BLM: variants seen among roughly 807,000 people sequenced by gnomAD.
The protein encoded by BLM is BLM RecQ like helicase.
BLM carries 95 observed loss-of-function variants against 135.3 expected under a neutral mutation model. The observed-to-expected ratio is 0.70, with a 90% CI of 0.59 to 0.83. BLM has a LOEUF of 0.83. Ranked by LOEUF, BLM falls within the 40% of genes least tolerant of loss-of-function variation. The probability of loss-of-function intolerance (pLI) is 0.00; values close to 1 mark genes in which losing one functional copy is unlikely to be tolerated. For missense variants in BLM, 1,518 were observed against 1,663.9 expected (o/e 0.91, Z 1.53); for synonymous variants, 520 against 589.2 (o/e 0.88, Z 1.70).
At position 90,782,387 on chromosome 15, in the gene BLM, CAAAAA is replaced by C. The variant is rs776374962; in HGVS notation, c.2556-430_2556-426del. Among the ~76,000 whole-genome samples, 8 of 148,724 alleles carry C rather than the reference CAAAAA, an allele frequency of 5.4e-5. No homozygotes were observed. The East Asian group carries it at 7.9e-4, about 15-fold the overall frequency. ...TGGGCGACAGAGTGAGACTCTGTCT[CAAAAA>C]AAAACAAAACAAAACAAAACAAAAA... On this transcript the variant is annotated intron_variant, in intron 12 of 21. Transcript: ENST00000355112.
At chr15:90,719,497 A>C (rs1164165600) in intron 1 of BLM, among the ~76,000 whole-genome samples, 1 of 152,044 alleles carries the variant, frequency 6.6e-6, no homozygotes, top group Non-Finnish European at 1.5e-5. Context: ...GCTACTGGGG[A>C]GGCTGAGGCA....
chr15:90,792,460 T>C (rs1225539397), intron 15 of BLM, among the ~76,000 whole-genome samples: 1 of 152,100 alleles, frequency 6.6e-6, no homozygotes, highest in East Asian at 1.9e-4. Context: ...AAATGGCACT[T>C]ACCAAGCACT....
At chr15:90,812,688 G>A (rs982843471) in intron 21 of BLM, among the ~76,000 whole-genome samples, 1 of 152,270 alleles carries the variant, frequency 6.6e-6, no homozygotes, top group East Asian at 1.9e-4. Context: ...GTTTTCTTTT[G>A]CAGTTTTTCT....
At chr15:90,720,625 T>A (rs980130427) in intron 1 of BLM, among the ~76,000 whole-genome samples, 1 of 151,964 alleles carries the variant, frequency 6.6e-6, no homozygotes. Flanking sequence ...GGAATTTTTT[T>A]TTTCTTTTCT....
At chr15:90,728,441 G>A (rs1414614523) in intron 1 of BLM, among the ~76,000 whole-genome samples, 1 of 152,152 alleles carries the variant, frequency 6.6e-6, no homozygotes, top group Non-Finnish European at 1.5e-5. Flanking sequence ...CTGTCACCCA[G>A]ACTGAAGTGC....
chr15:90,722,042 T>C (rs899849830), intron 1 of BLM, among the ~76,000 whole-genome samples: 1 of 152,064 alleles, frequency 6.6e-6, no homozygotes, highest in African/African-American at 2.4e-5. Context: ...CCCAGCACTT[T>C]AGGAGGCTGA....
At chr15:90,723,349 T>C (rs190982954) in intron 1 of BLM, among the ~76,000 whole-genome samples, 2,084 of 151,680 alleles carry the variant, frequency 0.014, 55 homozygotes, top group African/African-American at 0.047. Context: ...CTTTTCTTTT[T>C]TTTTTTTTTT....
intron 19 of BLM, among the ~76,000 whole-genome samples, chr15:90,805,813 G>A (rs1897274179): frequency 6.6e-6 from 1 of 151,810 alleles, no homozygotes; most frequent in South Asian, 2.1e-4. Context: ...TTACAGGCAT[G>A]AGCCACCGCA....
At chr15:90,738,472 G>C (rs999852455) in intron 1 of BLM, among the ~76,000 whole-genome samples, 1 of 152,114 alleles carries the variant, frequency 6.6e-6, no homozygotes, top group Non-Finnish European at 1.5e-5. Flanking sequence ...TACTCCGTAG[G>C]CTGAGGTGGG....
intron 9 of BLM, among the ~76,000 whole-genome samples, chr15:90,766,483 G>A (rs1306450349): frequency 2.6e-5 from 4 of 151,998 alleles, no homozygotes; most frequent in African/African-American, 7.3e-5. Flanking sequence ...GCTGGAGTGC[G>A]GTGGTGCAAC....
At chr15:90,754,541 G>A (rs1365147629) in intron 4 of BLM, among the ~76,000 whole-genome samples, 1 of 152,154 alleles carries the variant, frequency 6.6e-6, no homozygotes, top group Non-Finnish European at 1.5e-5. Context: ...GCAATGCAGG[G>A]CTTATATGAA....
intron 15 of BLM, among the ~76,000 whole-genome samples, chr15:90,792,613 A>C (rs1896933513): frequency 6.6e-6 from 1 of 152,174 alleles, no homozygotes. Flanking sequence ...AGGAGCAATA[A>C]GAGTCGTTGT....
At position 90,760,185 on chromosome 15, in the gene BLM, A is replaced by C. The variant is rs1895932695; in HGVS notation, c.1126A>C (p.Met376Leu). The change falls in exon 6 of 22, where the codon ATG becomes CTG. Residue 376 changes from methionine to leucine, a missense_variant. By Grantham distance (15) the Met-to-Leu change is conservative. Transcript: ENST00000355112. ...ISLQQQLIHVMEHICKLIDTI... is the reference protein window; with the variant it reads ...ISLQQQLIHVLEHICKLIDTI... ...TTTACAGCAGCAGCTTATTCATGTG[A>C]TGGAGCACATCTGTAAATTAATTGA... 1 of 1,612,804 alleles carries C rather than the reference A, an allele frequency of 6.2e-7. No homozygotes were observed. Among genetic ancestry groups the C allele is most frequent in the Non-Finnish European group, 8.5e-7 (1 of 1,178,882 alleles).
chr15:90,796,169 A>G (rs563379819), intron 16 of BLM, among the ~76,000 whole-genome samples: 6 of 152,210 alleles, frequency 3.9e-5, no homozygotes, highest in Non-Finnish European at 7.3e-5. Context: ...CTTGGCTAAG[A>G]TGCAGAAGGC....
intron 14 of BLM, among the ~76,000 whole-genome samples, chr15:90,785,686 G>C (rs1896729088): frequency 6.6e-6 from 1 of 151,980 alleles, no homozygotes; most frequent in Admixed American, 6.6e-5. Context: ...TGGGATTACA[G>C]ATGTGCGCCA....
At position 90,747,478 on chromosome 15, in the gene BLM, A is replaced by G. The variant is rs1895535585; in HGVS notation, c.86A>G (p.Lys29Arg). 1 of 1,604,572 alleles carries G rather than the reference A, an allele frequency of 6.2e-7. No homozygotes were observed. The change falls in exon 2 of 22, where the codon AAA becomes AGA. Residue 29 changes from lysine to arginine, a missense_variant. Lys to Arg is a conservative substitution (Grantham distance 26, BLOSUM62 2). This residue lies in a region of BLM where 724 missense variants were observed against 756.9 expected (regional missense o/e 0.96). Coordinates refer to ENST00000355112, the MANE Select transcript of BLM (RefSeq NM_000057.4). ...RTLNNKLSLSKPKFSGFTFKK... is the reference protein window; with the variant it reads ...RTLNNKLSLSRPKFSGFTFKK... ...CTTAATAATAAATTAAGTCTTTCAAAACCAAAATTTTCGTAAGTGTTTTGA... is the reference window on the plus strand; with the variant it reads ...CTTAATAATAAATTAAGTCTTTCAAGACCAAAATTTTCGTAAGTGTTTTGA...
In BLM at chr15:90,761,275, A is replaced by T. The variant is rs773201778; in HGVS notation, c.1882+20A>T. 7 of 1,468,154 alleles carry T rather than the reference A, an allele frequency of 4.8e-6. No homozygotes were observed. The highest frequency in any genetic ancestry group is 1.4e-5 in the African/African-American group (1 of 69,792). The allele number at this position is 1,468,154 out of a possible 1,614,324, so 90.9% of individuals were successfully genotyped here. ...ATACTGGTAAGTTTAAAATAAATTG[A>T]ATGCTTATATGAAAACAAAACTGTC... is the stretch of plus-strand genomic sequence containing the variant. On this transcript the variant is annotated intron_variant, in intron 7 of 21. Coordinates refer to ENST00000355112, the MANE Select transcript of BLM (RefSeq NM_000057.4).
Position 90,815,213 on chromosome 15 carries a change from G to C in BLM, c.4188G>C (p.Leu1396Phe). ...SQATSGANSK[L>F]GIMAPPKPIN... is the part of the protein sequence containing the mutation. ...CGACATCAGGAGCCAATAGCAAATTGGGGATTATGGCTCCACCGAAGCCTA... is the reference window on the plus strand; with the variant it reads ...CGACATCAGGAGCCAATAGCAAATTCGGGATTATGGCTCCACCGAAGCCTA... Residue 1396 changes from leucine (L) to phenylalanine (F), a missense_variant, in exon 22 of 22, where the codon TTG (leucine) becomes TTC (phenylalanine). Physicochemically the swap from Leu to Phe is conservative, Grantham distance 22 (BLOSUM62 0). Around this residue, in one of 5 missense-constraint regions of BLM, gnomAD observed 153 missense variants for 173.4 expected, o/e 0.88. Coordinates refer to ENST00000355112, the MANE Select transcript of BLM (RefSeq NM_000057.4). This position sits in a 1 kb window ranked among gnomAD's most constrained non-coding sequence, Gnocchi z 4.6. 6.2e-7 allele frequency: 1 copy of C among 1,614,100 alleles called. No homozygotes were observed. Among genetic ancestry groups the C allele is most frequent in the East Asian group, 2.2e-5 (1 of 44,886 alleles).
intron 1 of BLM, among the ~76,000 whole-genome samples, chr15:90,731,885 A>G (rs1019746008): frequency 4.6e-5 from 7 of 152,218 alleles, no homozygotes; most frequent in Middle Eastern, 3.4e-3. Flanking sequence ...TTTTTGGTAG[A>G]GATGAGGTTT....
Sources: gnomAD v4.1 joint callset for allele counts (sites outside exome capture counted in the v4.1 genomes callset) on GRCh38, gnomAD v4.1.1 for gene constraint, gnomAD v4.1.1 regional missense constraint, Gnocchi (gnomAD v3.1) non-coding constraint, MANE v1.5 for transcripts, NCBI Gene and HGNC (gene_info 2026-07-23, HGNC 2026-07-21) for gene names.